The following RYR3 variants were observed in gnomAD, a reference collection of about 807,000 sequenced individuals.
RYR3 encodes the protein brain ryanodine receptor-calcium release channel.
A neutral mutation model predicts 584.3 loss-of-function variants in RYR3; 207 were observed. That is an observed-to-expected ratio of 0.35 (90% CI 0.32 to 0.40). The LOEUF (loss-of-function observed/expected upper bound fraction) is 0.40. Among genes scored for constraint, RYR3 ranks in the 10% least tolerant of loss-of-function variants. The pLI is 1.00. For missense variants in RYR3, 5,616 were observed against 6,089.2 expected (o/e 0.92, Z 2.59); for synonymous variants, 2,416 against 2,248.5 (o/e 1.07, Z -2.11).
intron 1 of RYR3, among the ~76,000 whole-genome samples, chr15:33,449,905 G>T (rs1396942256): frequency 6.6e-6 from 1 of 152,060 alleles, no homozygotes; most frequent in African/African-American, 2.4e-5. Flanking sequence ...GACAAAGGCA[G>T]CCGAGGAAGT....
intron 92 of RYR3, among the ~76,000 whole-genome samples, chr15:33,843,993 G>A (rs2078551313): frequency 1.3e-5 from 2 of 152,234 alleles, no homozygotes; most frequent in Non-Finnish European, 2.9e-5. Flanking sequence ...TTTGGAAAGA[G>A]AGGGGACTGC....
chr15:33,857,629 T>C, intron 98 of RYR3, 151 bp from the exon 99 acceptor site: 1 of 871,970 alleles, frequency 1.1e-6, no homozygotes, highest in Non-Finnish European at 1.8e-6. Flanking sequence ...GCTCATGGCC[T>C]GATAGCTTTC....
intron 1 of RYR3, among the ~76,000 whole-genome samples, chr15:33,363,188 G>A (rs950923122): frequency 6.6e-6 from 1 of 152,108 alleles, no homozygotes; most frequent in Non-Finnish European, 1.5e-5. Context: ...ATGTAGGTAG[G>A]GTGCTCTTTT....
At chr15:33,864,315 AC>A in intron 103 of RYR3, 126 bp downstream of exon 103, 1 of 721,894 alleles carries the variant, frequency 1.4e-6, no homozygotes, top group Non-Finnish European at 2.2e-6. Flanking sequence ...TTTTCCCATC[AC>A]CTTTTTGTGA....
intron 14 of RYR3, among the ~76,000 whole-genome samples, chr15:33,583,345 C>T (rs117275557): frequency 0.019 from 2,933 of 152,302 alleles, 38 homozygotes; most frequent in Non-Finnish European, 0.031. Context: ...CTTCCTTTAG[C>T]GCTGAAGATT....
At chr15:33,799,871 T>C (rs1459804482) in intron 67 of RYR3, among the ~76,000 whole-genome samples, 2 of 152,172 alleles carry the variant, frequency 1.3e-5, no homozygotes, top group Admixed American at 1.3e-4. Context: ...TGAAGAATTG[T>C]TTTATGTGAG....
At chr15:33,656,111 A>C (rs977747020) in intron 32 of RYR3, among the ~76,000 whole-genome samples, 1 of 152,260 alleles carries the variant, frequency 6.6e-6, no homozygotes, top group African/African-American at 2.4e-5. Flanking sequence ...AGACACAGGC[A>C]GCTATGAGGT....
intron 3 of RYR3, among the ~76,000 whole-genome samples, chr15:33,525,648 T>G (rs2054331370): frequency 6.6e-6 from 1 of 152,242 alleles, no homozygotes. Flanking sequence ...TTTAACATTT[T>G]GTGGAAATCA....
intron 1 of RYR3, among the ~76,000 whole-genome samples, chr15:33,362,824 C>T (rs1000888992): frequency 1.3e-5 from 2 of 152,154 alleles, no homozygotes; most frequent in African/African-American, 4.8e-5. Context: ...AAGGTTTCTC[C>T]AACTCTCCCA....
At chr15:33,468,556 G>A (rs2048671475) in intron 1 of RYR3, among the ~76,000 whole-genome samples, 1 of 152,154 alleles carries the variant, frequency 6.6e-6, no homozygotes, top group Non-Finnish European at 1.5e-5. Context: ...TGTTATGTGG[G>A]TGAAAGTAGG....
intron 1 of RYR3, among the ~76,000 whole-genome samples, chr15:33,413,304 A>T (rs1046318964): frequency 6.6e-6 from 1 of 152,260 alleles, no homozygotes; most frequent in Admixed American, 6.5e-5. Flanking sequence ...GAAGCTTCTC[A>T]AAGACTGAAC....
chr15:33,657,137 C>T (rs1310956582), intron 32 of RYR3, among the ~76,000 whole-genome samples: 2 of 152,152 alleles, frequency 1.3e-5, no homozygotes, highest in Non-Finnish European at 2.9e-5. Context: ...ATCGAAGAGA[C>T]ATTTCCTTTG....
chr15:33,853,422 G>C, intron 95 of RYR3, 133 bp from the exon 96 acceptor site: 1 of 1,172,322 alleles, frequency 8.5e-7, no homozygotes, highest in Non-Finnish European at 1.2e-6. Context: ...TCTTTTTTCT[G>C]CATTTTGAAC....
chr15:33,781,069 A>G (rs1386522191), intron 65 of RYR3, among the ~76,000 whole-genome samples: 1 of 152,224 alleles, frequency 6.6e-6, no homozygotes, highest in Non-Finnish European at 1.5e-5. Flanking sequence ...AATATTTACT[A>G]TCTGGCCCTC....
chr15:33,457,427 C>T (rs947784246), intron 1 of RYR3, among the ~76,000 whole-genome samples: 10 of 152,132 alleles, frequency 6.6e-5, no homozygotes, highest in South Asian at 2.1e-4. Context: ...GAATAAAGTC[C>T]TGTCATTTGC....
intron 28 of RYR3, among the ~76,000 whole-genome samples, chr15:33,646,076 C>A (rs540860922): frequency 6.6e-6 from 1 of 152,180 alleles, no homozygotes; most frequent in African/African-American, 2.4e-5. Context: ...CCAGATGCCA[C>A]CCCCCTCTGG....
At chr15:33,740,101 C>A in intron 51 of RYR3, 106 bp downstream of exon 51, 1 of 889,738 alleles carries the variant, frequency 1.1e-6, no homozygotes, top group Non-Finnish European at 1.7e-6. Context: ...TCCCTCCTGC[C>A]AACACTGTTC....
At chr15:33,694,194 C>A (rs935309615) in intron 38 of RYR3, among the ~76,000 whole-genome samples, 1 of 149,938 alleles carries the variant, frequency 6.7e-6, no homozygotes, top group African/African-American at 2.4e-5. Flanking sequence ...TTCTTTTGTG[C>A]TCTCATTTAC....
chr15:33,799,838 C>T (rs1396308606), intron 67 of RYR3, among the ~76,000 whole-genome samples: 1 of 152,168 alleles, frequency 6.6e-6, no homozygotes, highest in African/African-American at 2.4e-5. Flanking sequence ...AATTGTAGGA[C>T]ATTCAGTCAG....
Sources: gnomAD v4.1 joint callset for allele counts (sites outside exome capture counted in the v4.1 genomes callset) on GRCh38, gnomAD v4.1.1 for gene constraint, MANE v1.5 for transcripts, NCBI Gene and HGNC (gene_info 2026-07-23, HGNC 2026-07-21) for gene names.